The following ANKRD30BL variants were observed in gnomAD, a reference collection of about 807,000 sequenced individuals.
The protein encoded by ANKRD30BL is ankyrin repeat domain 30B like.
A neutral mutation model predicts 18.4 loss-of-function variants in ANKRD30BL; 20 were observed. The ratio of observed to expected loss-of-function variants is 1.09; its 90% CI spans 0.77 to 1.58. ANKRD30BL has a LOEUF of 1.58. Among genes scored for constraint, ANKRD30BL ranks in the 40% most tolerant of loss-of-function variants. The pLI, the probability that ANKRD30BL is intolerant of heterozygous loss-of-function variation, is 0.00. For synonymous variants in ANKRD30BL, 72 were observed against 100.9 expected, an observed-to-expected ratio of 0.71 and a Z score of 1.72; for missense variants, 224 against 268.6, an observed-to-expected ratio of 0.83 and a Z score of 1.16.
In ANKRD30BL at chr2:132,196,006, G is replaced by T. The variant is rs1200056267; in HGVS notation, n.442-38860C>A. On this transcript the variant is annotated intron_variant and non_coding_transcript_variant, in intron 1 of 4. Transcript: ENST00000470729. ...AATACAAAAAAATTAGCCCAGCATG[G>T]TGGTGGGCACCTGTAGTCCCAGCTA... Among the ~76,000 whole-genome samples the T allele has an allele frequency of 2.6e-5, 4 of 151,400 alleles. No individual in the cohort carries two copies. The South Asian group carries it at 8.3e-4, about 32-fold the overall frequency.
At chr2:132,191,478 T>C (rs1332941345) in intron 1 of ANKRD30BL, among the ~76,000 whole-genome samples, 1 of 152,114 alleles carries the variant, frequency 6.6e-6, no homozygotes, top group African/African-American at 2.4e-5. Flanking sequence ...AAACTGATTA[T>C]CCACTTTATA....
At chr2:132,165,627 C>A (rs1688175840), upstream of ANKRD30BL, among the ~76,000 whole-genome samples, 1 of 151,378 alleles carries the variant, frequency 6.6e-6, no homozygotes, top group Admixed American at 6.6e-5. Flanking sequence ...GGAGGCGAGG[C>A]AGGAGAATTG....
At chr2:132,255,256 C>T (rs990901948) in intron 1 of ANKRD30BL, among the ~76,000 whole-genome samples, 12 of 151,394 alleles carry the variant, frequency 7.9e-5, no homozygotes, top group East Asian at 3.9e-4. Flanking sequence ...TCACCTCTAG[C>T]GGTGCAATAT....
chr2:132,152,971 T>G (rs1687798600), intron 4 of ANKRD30BL, among the ~76,000 whole-genome samples: 1 of 152,164 alleles, frequency 6.6e-6, no homozygotes, highest in East Asian at 1.9e-4. Flanking sequence ...AATATGTACG[T>G]GAACTTTAAA....
rs796859749 is a variant in ANKRD30BL, at chr2:132,218,341, C to T, written n.441+39188G>A. 9.7e-5 allele frequency among the ~76,000 whole-genome samples: 12 copies of T among 123,260 alleles called. No individual in the cohort carries two copies. In the East Asian group the frequency reaches 2.3e-3, roughly 24 times the overall value. 80.9% of individuals were successfully genotyped at this position (123,260 alleles called of 152,430 possible). ...CCCAGAAACTTCTTTTTGAGGTGTG[C>T]ATTCAACTCACAGAGTTGAACATAC... On this transcript the variant is annotated intron_variant and non_coding_transcript_variant, in intron 1 of 4. Coordinates refer to the ANKRD30BL transcript ENST00000470729.
intron 1 of ANKRD30BL, among the ~76,000 whole-genome samples, chr2:132,157,785 A>C (rs1687950709): frequency 6.6e-6 from 1 of 152,206 alleles, no homozygotes; most frequent in Non-Finnish European, 1.5e-5. Flanking sequence ...ATGCCTCATG[A>C]GAATATGTGC....
At position 132,227,856 on chromosome 2, in the gene ANKRD30BL, T is replaced by A. The variant is rs188133397; in HGVS notation, n.441+29673A>T. Among the ~76,000 whole-genome samples the A allele has an allele frequency of 2.2e-3, 327 of 152,072 alleles. 1 individual carries two copies. The highest frequency in any genetic ancestry group is 7.4e-3 in the African/African-American group (308 of 41,548). On this transcript the variant is annotated intron_variant and non_coding_transcript_variant, in intron 1 of 4. Transcript: ENST00000470729. The stretch of plus-strand genomic sequence containing the variant: ...GAGATTCTGCAAGTGGAAGCACTCT[T>A]TTTGTAGATTCTGTAAGTGGGCATT...
intron 1 of ANKRD30BL, among the ~76,000 whole-genome samples, chr2:132,240,374 T>A (rs1477534129): frequency 6.6e-6 from 1 of 151,916 alleles, no homozygotes; most frequent in African/African-American, 2.4e-5. Flanking sequence ...ATGTTTGCAT[T>A]CAACTCACAA....
chr2:132,229,937 A>G (rs952973206), intron 1 of ANKRD30BL, among the ~76,000 whole-genome samples: 4 of 152,060 alleles, frequency 2.6e-5, no homozygotes, highest in African/African-American at 9.7e-5. Context: ...GAACGCTTGG[A>G]GGCCTTCTTT....
chr2:132,207,023 C>G (rs565149428), intron 1 of ANKRD30BL, among the ~76,000 whole-genome samples: 55 of 152,120 alleles, frequency 3.6e-4, no homozygotes, highest in Non-Finnish European at 7.8e-4. Flanking sequence ...GAATTATGGC[C>G]CACTCTAATG....
At chr2:132,196,946 G>C (rs564327119) in intron 1 of ANKRD30BL, among the ~76,000 whole-genome samples, 1 of 152,192 alleles carries the variant, frequency 6.6e-6, no homozygotes, top group Admixed American at 6.5e-5. Flanking sequence ...AAGTCAGAAA[G>C]ACCAGTCAAG....
chr2:132,206,827 T>C (rs1407412669), intron 1 of ANKRD30BL, among the ~76,000 whole-genome samples: 14 of 152,272 alleles, frequency 9.2e-5, no homozygotes, highest in Admixed American at 9.2e-4. Context: ...AGTGCTGCAT[T>C]TTTCTCTGAA....
At chr2:132,157,933 TTAGAGA>T (rs1323880002) in intron 1 of ANKRD30BL, among the ~76,000 whole-genome samples, 1 of 152,180 alleles carries the variant, frequency 6.6e-6, no homozygotes, top group East Asian at 1.9e-4. Flanking sequence ...GTTTTAAAGG[TTAGAGA>T]TAAAGCTATT....
chr2:132,232,911 A>T (rs1287482922), intron 1 of ANKRD30BL, among the ~76,000 whole-genome samples: 2 of 152,136 alleles, frequency 1.3e-5, no homozygotes, highest in Non-Finnish European at 2.9e-5. Flanking sequence ...AAATGAAGGA[A>T]AAAATGTTAA....
rs530014323 is a variant in ANKRD30BL at position 132,151,018 on chromosome 2, T to C, written c.615-42A>G. The C allele has an allele frequency of 3.8e-5, 21 of 548,568 alleles. No individual in the cohort carries two copies. The East Asian group carries it at 7.0e-4, about 18-fold the overall frequency. The allele number at this position is 548,568 out of a possible 1,614,324, so 34.0% of individuals were successfully genotyped here. On this transcript the variant is annotated intron_variant, in intron 4 of 5. Coordinates refer to ENST00000409867, the MANE Select transcript of ANKRD30BL (RefSeq NM_001358416.1). ...AATAAATAAAATCACTATTTTAACATTGATATAAAAAATATTTACCAAATT... is the reference window on the plus strand; with the variant it reads ...AATAAATAAAATCACTATTTTAACACTGATATAAAAAATATTTACCAAATT...
intron 1 of ANKRD30BL, among the ~76,000 whole-genome samples, chr2:132,230,297 G>C (rs1028267773): frequency 6.6e-6 from 1 of 151,652 alleles, no homozygotes; most frequent in Non-Finnish European, 1.5e-5. Context: ...TTGGAAACGG[G>C]AATATCTTCA....
intron 1 of ANKRD30BL, among the ~76,000 whole-genome samples, chr2:132,177,900 T>C (rs1242968369): frequency 6.6e-6 from 1 of 152,184 alleles, no homozygotes; most frequent in Non-Finnish European, 1.5e-5. Context: ...TTGTTTTTGT[T>C]TGGTTTTTTT....
chr2:132,208,120 G>A (rs1430050077), intron 1 of ANKRD30BL, among the ~76,000 whole-genome samples: 1 of 152,090 alleles, frequency 6.6e-6, no homozygotes, highest in Non-Finnish European at 1.5e-5. Flanking sequence ...TGAGGCATTG[G>A]ATTCCCTAAA....
At chr2:132,229,626 A>G (rs573134421) in intron 1 of ANKRD30BL, among the ~76,000 whole-genome samples, 1 of 152,256 alleles carries the variant, frequency 6.6e-6, no homozygotes, top group African/African-American at 2.4e-5. Flanking sequence ...ATATCTTCAC[A>G]TAAACACTAG....
Sources: allele counts gnomAD v4.1 joint callset (sites outside exome capture counted in the v4.1 genomes callset), GRCh38; gene constraint gnomAD v4.1.1; transcripts MANE v1.5; gene names NCBI Gene and HGNC (gene_info 2026-07-23, HGNC 2026-07-21).